Variants in DCLK1 observed in about 807,000 individuals in gnomAD.
DCLK1 encodes the protein doublecortin like kinase 1, also known as serine/threonine-protein kinase DCLK1.
A neutral mutation model predicts 86.2 loss-of-function variants in DCLK1; 16 were observed. The ratio of observed to expected loss-of-function variants is 0.19; its 90% CI spans 0.13 to 0.28. The LOEUF (loss-of-function observed/expected upper bound fraction) is 0.28. Among genes scored for constraint, DCLK1 ranks in the 10% least tolerant of loss-of-function variants. The pLI, the probability that DCLK1 is intolerant of heterozygous loss-of-function variation, is 1.00. For synonymous variants in DCLK1, 369 were observed against 370.5 expected, an observed-to-expected ratio of 1.00 and a Z score of 0.05; for missense variants, 590 against 940.2, an observed-to-expected ratio of 0.63 and a Z score of 4.87.
chr13:36,111,744 A>T (rs1182360923), intron 3 of DCLK1, 125 bp downstream of exon 3: 3 of 752,982 alleles, frequency 4.0e-6, no homozygotes, highest in African/African-American at 3.5e-5. Flanking sequence ...GCAAGTACAT[A>T]TTTGTTGATC....
intron 4 of DCLK1, among the ~76,000 whole-genome samples, chr13:35,895,166 C>T (rs949459003): frequency 2.6e-5 from 4 of 152,008 alleles, no homozygotes; most frequent in African/African-American, 4.8e-5. Context: ...TAGTCTCGAA[C>T]GATCTCAAGC....
intron 3 of DCLK1, among the ~76,000 whole-genome samples, chr13:36,059,898 T>G (rs2153158999): frequency 6.6e-6 from 1 of 151,122 alleles, no homozygotes; most frequent in Admixed American, 6.6e-5. Flanking sequence ...TGAGACAGAG[T>G]TTTGCTCTTG....
chr13:35,943,020 A>G (rs572090040), intron 4 of DCLK1, among the ~76,000 whole-genome samples: 1 of 152,332 alleles, frequency 6.6e-6, no homozygotes, highest in Admixed American at 6.5e-5. Context: ...TTGTTCCCCA[A>G]AAAGATATGT....
chr13:36,098,096 T>A (rs749052629), intron 3 of DCLK1, among the ~76,000 whole-genome samples: 2 of 152,150 alleles, frequency 1.3e-5, no homozygotes, highest in Non-Finnish European at 2.9e-5. Context: ...ACGGTAAACA[T>A]TCAAGAAACA....
At chr13:35,826,540 A>AGGAAGGGAGG (rs1382422000) in intron 10 of DCLK1, among the ~76,000 whole-genome samples, 1 of 92,754 alleles carries the variant, frequency 1.1e-5, no homozygotes, top group African/African-American at 3.3e-5. Context: ...AAAAAAAAAA[A>AGGAAGGGAGG]AAGAAAGAAA....
chr13:35,858,901 C>G (rs577016212), intron 5 of DCLK1, among the ~76,000 whole-genome samples: 1 of 152,198 alleles, frequency 6.6e-6, no homozygotes, highest in Non-Finnish European at 1.5e-5. Flanking sequence ...CTTGGCCATA[C>G]AGAAGAGCAT....
rs1157718768 is a variant in DCLK1 at position 35,773,523 on chromosome 13, C to T, written c.*1012G>A. ...AACTGCCTCCAGTCCCCTTGTGCCC[C>T]AGCTCTCCTATGTGTGGATTTCATA... is the stretch of plus-strand genomic sequence containing the variant. On this transcript the variant is annotated 3_prime_UTR_variant, in exon 17 of 17. Coordinates refer to ENST00000360631, the MANE Select transcript of DCLK1 (RefSeq NM_001330071.2). The T allele has an allele frequency of 6.6e-6, 1 of 151,630 alleles. No individual in the cohort carries two copies. The highest frequency in any genetic ancestry group is 2.4e-5 in the African/African-American group (1 of 41,056). The allele number at this position is 151,630 out of a possible 1,614,324, so 9.4% of individuals were successfully genotyped here. A position where few individuals can be genotyped will look rare whatever the true frequency, so the allele number is the denominator to read the frequency against.
At chr13:36,015,210 A>AT (rs1881493610) in intron 3 of DCLK1, among the ~76,000 whole-genome samples, 1 of 152,168 alleles carries the variant, frequency 6.6e-6, no homozygotes, top group South Asian at 2.1e-4. Flanking sequence ...ATGAAGTGCC[A>AT]TCTCTCATCT....
rs528759671 is a variant in DCLK1, at chr13:36,033,813, T to G, written c.723+78056A>C. On this transcript the variant is annotated intron_variant, in intron 3 of 16. Coordinates refer to ENST00000360631, the MANE Select transcript of DCLK1 (RefSeq NM_001330071.2). ...GGTGACGCATGCCTGTAATCCCAGC[T>G]ACTAGGGAGGCTGAGGCAGGAGAAT... Among the ~76,000 whole-genome samples the G allele has an allele frequency of 3.9e-4, 59 of 152,242 alleles. 1 individual carries two copies. The highest frequency in any genetic ancestry group is 1.3e-3 in the African/African-American group (56 of 41,552).
chr13:36,104,221 C>T (rs1885315556), intron 3 of DCLK1, among the ~76,000 whole-genome samples: 1 of 152,124 alleles, frequency 6.6e-6, no homozygotes, highest in African/African-American at 2.4e-5. Context: ...CCCGTAAGGA[C>T]CTTGCTGAAT....
intron 11 of DCLK1, among the ~76,000 whole-genome samples, chr13:35,819,872 C>A (rs1256536808): frequency 1.3e-5 from 2 of 151,786 alleles, no homozygotes; most frequent in African/African-American, 4.8e-5. Flanking sequence ...TTTTTAATTA[C>A]AAAGAAAGGG....
intron 16 of DCLK1, among the ~76,000 whole-genome samples, chr13:35,784,983 C>G (rs138295844): frequency 5.5e-4 from 83 of 152,258 alleles, no homozygotes; most frequent in African/African-American, 1.9e-3. Context: ...CATGACAGCG[C>G]GGCCATCACC....
At chr13:35,826,044 C>T (rs1382257563) in intron 10 of DCLK1, among the ~76,000 whole-genome samples, 5 of 151,828 alleles carry the variant, frequency 3.3e-5, no homozygotes, top group Non-Finnish European at 7.4e-5. Context: ...AATCTCTTGA[C>T]CTTGTGATCT....
intron 4 of DCLK1, among the ~76,000 whole-genome samples, chr13:35,873,651 G>A (rs376693633): frequency 6.6e-6 from 1 of 152,096 alleles, no homozygotes; most frequent in Non-Finnish European, 1.5e-5. Context: ...CTCCCAAAGT[G>A]CTGGGATTAC....
At chr13:35,818,885 A>G (rs1046139917) in intron 11 of DCLK1, among the ~76,000 whole-genome samples, 1 of 152,042 alleles carries the variant, frequency 6.6e-6, no homozygotes, top group Non-Finnish European at 1.5e-5. Flanking sequence ...ATACACGCAT[A>G]CATACACAGT....
At chr13:35,971,455 C>T (rs1037640746) in intron 3 of DCLK1, among the ~76,000 whole-genome samples, 1 of 152,102 alleles carries the variant, frequency 6.6e-6, no homozygotes, top group Non-Finnish European at 1.5e-5. Flanking sequence ...CAGGAAGATG[C>T]GTGCTTTCAT....
chr13:36,093,853 T>C (rs1177151390), intron 3 of DCLK1, among the ~76,000 whole-genome samples: 1 of 152,244 alleles, frequency 6.6e-6, no homozygotes, highest in Non-Finnish European at 1.5e-5. Flanking sequence ...TTCTTCCCAA[T>C]CAACCTGTCT....
At chr13:35,933,956 C>T (rs1876612570) in intron 4 of DCLK1, among the ~76,000 whole-genome samples, 1 of 152,130 alleles carries the variant, frequency 6.6e-6, no homozygotes, top group Non-Finnish European at 1.5e-5. Context: ...CTCTGTTTCC[C>T]TTTTAAGTGC....
intron 6 of DCLK1, among the ~76,000 whole-genome samples, chr13:35,841,774 A>C (rs963196143): frequency 6.6e-6 from 1 of 152,164 alleles, no homozygotes; most frequent in African/African-American, 2.4e-5. Flanking sequence ...AAATGTATTA[A>C]ACTTCTAATA....
Sources: gnomAD v4.1 joint callset for allele counts (sites outside exome capture counted in the v4.1 genomes callset) on GRCh38, gnomAD v4.1.1 for gene constraint, MANE v1.5 for transcripts, NCBI Gene and HGNC (gene_info 2026-07-23, HGNC 2026-07-21) for gene names.